Variants in DENND4C observed in about 807,000 individuals in gnomAD.
DENND4C encodes DENN domain-containing protein 4C.
In DENND4C, 108 loss-of-function variants were observed where a neutral mutation model predicts 203.0. The ratio of observed to expected loss-of-function variants is 0.53; its 90% CI spans 0.46 to 0.62. The LOEUF (loss-of-function observed/expected upper bound fraction) is 0.62, where lower values mean the gene tolerates loss of function less well. Ranked by LOEUF, DENND4C falls within the 20% of genes least tolerant of loss-of-function variation. DENND4C has a pLI of 0.00. For synonymous variants in DENND4C, 871 were observed against 792.4 expected (o/e 1.10, Z -1.67); for missense variants, 2,481 against 2,301.2 (o/e 1.08, Z -1.60).
chr9:19,371,539 C>CA (rs1302923990), intron 31 of DENND4C: 22 of 309,046 alleles, frequency 7.1e-5, no homozygotes, highest in African/African-American at 4.2e-4. Context: ...CAGGAAGTTA[C>CA]AAAAATAGTA....
intron 16 of DENND4C, among the ~76,000 whole-genome samples, chr9:19,330,429 T>C (rs995961894): frequency 1.4e-5 from 2 of 140,376 alleles, no homozygotes; most frequent in Non-Finnish European, 3.1e-5. Flanking sequence ...AACCTCTGCC[T>C]CCCAGGTTCA....
intron 17 of DENND4C, among the ~76,000 whole-genome samples, chr9:19,333,114 A>G (rs1311707299): frequency 1.3e-5 from 2 of 151,962 alleles, no homozygotes; most frequent in East Asian, 3.8e-4. Flanking sequence ...TTAAGGGCTC[A>G]AGTGATTTTC....
chr9:19,365,239 G>T (rs181017644), intron 30 of DENND4C, among the ~76,000 whole-genome samples: 1 of 152,324 alleles, frequency 6.6e-6, no homozygotes, highest in Admixed American at 6.5e-5. Context: ...GCATGCAATT[G>T]TGGTTTAACA....
At chr9:19,278,074 CTTT>C (rs34167347) in intron 2 of DENND4C, among the ~76,000 whole-genome samples, 138 of 120,280 alleles carry the variant, frequency 1.1e-3, no homozygotes, top group African/African-American at 3.5e-3. Context: ...CCTTTTTTTT[CTTT>C]TTTTTTTTTT....
rs1245622429 is a variant in DENND4C, at chr9:19,345,849, A to G, written c.3152-72A>G. The G allele has an allele frequency of 2.3e-6, 3 of 1,333,182 alleles. No homozygotes were observed. In the African/African-American group the frequency reaches 4.4e-5, roughly 20 times the overall value. The allele number at this position is 1,333,182 out of a possible 1,614,324, so 82.6% of individuals were successfully genotyped here. On this transcript the variant is annotated intron_variant, in intron 22 of 32. Coordinates refer to ENST00000434457, the MANE Select transcript of DENND4C (RefSeq NM_001330640.2). ...GTATATGTCACATTCATAATCAGGAAAACAATAAATATTTTAATAAAAGTT... is the reference window on the plus strand; with the variant it reads ...GTATATGTCACATTCATAATCAGGAGAACAATAAATATTTTAATAAAAGTT...
At chr9:19,368,761 C>T (rs930861625) in intron 30 of DENND4C, among the ~76,000 whole-genome samples, 1 of 152,090 alleles carries the variant, frequency 6.6e-6, no homozygotes, top group Non-Finnish European at 1.5e-5. Context: ...GATTGCACGA[C>T]TTCACTCCAG....
intron 1 of DENND4C, among the ~76,000 whole-genome samples, chr9:19,254,198 A>T (rs955807914): frequency 2.0e-5 from 3 of 152,242 alleles, no homozygotes; most frequent in African/African-American, 7.2e-5. Flanking sequence ...AAAATTAAAA[A>T]TAGAACTACT....
chr9:19,327,713 T>C (rs1479973197), intron 15 of DENND4C, among the ~76,000 whole-genome samples: 1 of 151,836 alleles, frequency 6.6e-6, no homozygotes, highest in African/African-American at 2.4e-5. Context: ...ATACTAAAAT[T>C]TTTTTAAACA....
intron 1 of DENND4C, among the ~76,000 whole-genome samples, chr9:19,251,337 A>G (rs902806851): frequency 6.6e-6 from 1 of 152,208 alleles, no homozygotes; most frequent in African/African-American, 2.4e-5. Context: ...CCAAGTCCCT[A>G]GGCTGCACAC....
chr9:19,251,260 G>C (rs1181903939), intron 1 of DENND4C, among the ~76,000 whole-genome samples: 1 of 152,244 alleles, frequency 6.6e-6, no homozygotes, highest in African/African-American at 2.4e-5. Context: ...TGCACCCTCT[G>C]AAACCATGGC....
At chr9:19,254,349 C>T (rs1422313278) in intron 1 of DENND4C, among the ~76,000 whole-genome samples, 1 of 152,100 alleles carries the variant, frequency 6.6e-6, no homozygotes, top group Non-Finnish European at 1.5e-5. Context: ...TGTCCATCGA[C>T]GGATGAATGT....
At position 19,358,242 on chromosome 9, in the gene DENND4C, G is replaced by A. The variant is rs1053415463; in HGVS notation, c.5160+82G>A. The A allele has an allele frequency of 2.8e-4, 315 of 1,134,774 alleles. No homozygotes were observed. Among genetic ancestry groups the A allele is most frequent in the Non-Finnish European group, 3.7e-4 (306 of 833,376 alleles). The allele number at this position is 1,134,774 out of a possible 1,614,324, so 70.3% of individuals were successfully genotyped here. A position where few individuals can be genotyped will look rare whatever the true frequency, so the allele number is the denominator to read the frequency against. ...GAACATTATAAATTCTTCTGTAGTG[G>A]ACTTATTTTAATTACATGAAAAGTG... On this transcript the variant is annotated intron_variant, in intron 28 of 32. Coordinates refer to ENST00000434457, the MANE Select transcript of DENND4C (RefSeq NM_001330640.2). The surrounding 1 kb of genome is among the most constrained non-coding windows in gnomAD (Gnocchi z 4.8).
At chr9:19,280,711 T>TA (rs1303705865) in intron 2 of DENND4C, among the ~76,000 whole-genome samples, 3 of 151,896 alleles carry the variant, frequency 2.0e-5, no homozygotes, top group Non-Finnish European at 4.4e-5. Flanking sequence ...TTTTTTTAAT[T>TA]AAAAAAATTG....
At chr9:19,352,371 G>C in intron 25 of DENND4C, 119 bp from the exon 26 acceptor site, 1 of 1,124,100 alleles carries the variant, frequency 8.9e-7, no homozygotes, top group East Asian at 2.6e-5. Flanking sequence ...TAAAAGAACT[G>C]TTATTAATAA....
intron 4 of DENND4C, among the ~76,000 whole-genome samples, chr9:19,290,031 G>A (rs1340727018): frequency 1.3e-5 from 2 of 152,030 alleles, no homozygotes; most frequent in Non-Finnish European, 2.9e-5. Context: ...ACTGAATTTG[G>A]GCTCAAAATT....
At chr9:19,295,245 GC>G (rs1719226719) in intron 5 of DENND4C, among the ~76,000 whole-genome samples, 2 of 151,982 alleles carry the variant, frequency 1.3e-5, no homozygotes, top group African/African-American at 2.4e-5. Context: ...AGTGGCGCAC[GC>G]CGTAATCCCA....
rs1243553731 is a variant in DENND4C, at chr9:19,336,675, C to A, written c.2735-11C>A. 2 of 1,549,406 alleles carry A rather than the reference C, an allele frequency of 1.3e-6. No homozygotes were observed. The highest frequency in any genetic ancestry group is 1.2e-5 in the South Asian group (1 of 83,772). ...CATGAGTTATTGAACTGCTATTGTC[C>A]TTATCTTTAGCTCTTCAAAATGTCA... is the stretch of plus-strand genomic sequence containing the variant. On this transcript the variant is annotated splice_polypyrimidine_tract_variant and intron_variant, in intron 19 of 32. Transcript: ENST00000434457.
intron 1 of DENND4C, among the ~76,000 whole-genome samples, chr9:19,232,763 A>G (rs1820896714): frequency 6.6e-6 from 1 of 152,172 alleles, no homozygotes; most frequent in African/African-American, 2.4e-5. Flanking sequence ...TTGGGAGATT[A>G]TTTGGTTGAG....
At chr9:19,243,399 G>A (rs964225365) in intron 1 of DENND4C, among the ~76,000 whole-genome samples, 5 of 152,156 alleles carry the variant, frequency 3.3e-5, no homozygotes, top group African/African-American at 1.2e-4. Context: ...CTTAAAATAT[G>A]TAATTCAGTG....
Sources: allele counts gnomAD v4.1 joint callset (sites outside exome capture counted in the v4.1 genomes callset), GRCh38; gene constraint gnomAD v4.1.1; non-coding constraint Gnocchi (gnomAD v3.1); transcripts MANE v1.5; gene names NCBI Gene and HGNC (gene_info 2026-07-23, HGNC 2026-07-21).